The following MAP4K4 variants were observed in gnomAD, a reference collection of about 807,000 sequenced individuals.
The protein encoded by MAP4K4 is HPK/GCK-like kinase HGK.
A neutral mutation model predicts 189.6 loss-of-function variants in MAP4K4; 38 were observed. That is an observed-to-expected ratio of 0.20 (90% CI 0.15 to 0.26). The LOEUF is 0.26. Ranked by LOEUF, MAP4K4 falls within the 10% of genes least tolerant of loss-of-function variation. The pLI is 1.00. For missense variants in MAP4K4, 1,054 were observed against 1,726.9 expected (o/e 0.61, Z 6.91); for synonymous variants, 610 against 624.3 (o/e 0.98, Z 0.34).
intron 2 of MAP4K4, among the ~76,000 whole-genome samples, chr2:101,700,543 T>C (rs2037832984): frequency 6.6e-6 from 1 of 152,210 alleles, no homozygotes; most frequent in African/African-American, 2.4e-5. Context: ...TATATTATTA[T>C]GGAAAATTTC....
chr2:101,778,407 A>G (rs1049536532), intron 2 of MAP4K4, among the ~76,000 whole-genome samples: 14 of 151,786 alleles, frequency 9.2e-5, no homozygotes, highest in African/African-American at 3.1e-4. Flanking sequence ...TTTCCTTTAC[A>G]CTGATAGCCC....
chr2:101,752,507 T>C (rs920485053), intron 2 of MAP4K4, among the ~76,000 whole-genome samples: 1 of 152,174 alleles, frequency 6.6e-6, no homozygotes, highest in African/African-American at 2.4e-5. Context: ...GCCTAGCCTA[T>C]TTTCTGCCAA....
intron 31 of MAP4K4, 81 bp downstream of exon 31, chr2:101,888,018 G>T (rs2098511777): frequency 1.3e-5 from 18 of 1,337,892 alleles, no homozygotes; most frequent in Non-Finnish European, 1.8e-5. Context: ...TGCTGATTTT[G>T]TATGTCCTTC....
chr2:101,887,295 C>T (rs1365282287), intron 30 of MAP4K4, 58 bp downstream of exon 30: 1 of 1,539,398 alleles, frequency 6.5e-7, no homozygotes, highest in Non-Finnish European at 8.8e-7. Context: ...TTTTGACTTT[C>T]TTCTTTACTC....
At chr2:101,698,069 C>CA in exon 1 of MAP4K4, 2 of 1,319,658 alleles carry the variant, frequency 1.5e-6, no homozygotes, top group African/African-American at 1.6e-5. Flanking sequence ...TTTTTGGTGG[C>CA]AAAAAGGGAA....
At position 101,877,901 on chromosome 2, in the gene MAP4K4, C is replaced by T. The variant is rs375199219; in HGVS notation, c.3385+755C>T. 3.6e-3 allele frequency among the ~76,000 whole-genome samples: 542 copies of T among 152,264 alleles called. 2 individuals carry two copies. The highest frequency in any genetic ancestry group is 0.012 in the African/African-American group (519 of 41,550). On this transcript the variant is annotated intron_variant, in intron 27 of 32. Coordinates refer to ENST00000324219, the Ensembl canonical transcript of MAP4K4. ...AGTAGCTGGGACTACAGGCACTTCC[C>T]ACCATGCCCGGCTGATTTTTTGTAT...
chr2:101,858,975 T>C, intron 13 of MAP4K4, 21 bp from the exon 14 acceptor site: 1 of 1,584,436 alleles, frequency 6.3e-7, no homozygotes, highest in Non-Finnish European at 8.7e-7. Flanking sequence ...ATTTGATTGC[T>C]GGGTGATTTC....
At chr2:101,892,747 A>T in exon 33 of MAP4K4, 1 of 372,910 alleles carries the variant, frequency 2.7e-6, no homozygotes, top group South Asian at 2.0e-5. Context: ...GTTTTTTTAA[A>T]CCAATTTTAC....
chr2:101,856,215 TATACACACATGTGATGC>T (rs1371776247), intron 13 of MAP4K4, 77 bp downstream of exon 13: 10 of 1,416,626 alleles, frequency 7.1e-6, no homozygotes, highest in Middle Eastern at 2.5e-4. Flanking sequence ...TTTTAGAAAG[TATACACACATGTGATGC>T]ATACACACAT....
intron 17 of MAP4K4, among the ~76,000 whole-genome samples, chr2:101,864,295 C>T (rs1367783518): frequency 6.6e-6 from 1 of 152,060 alleles, no homozygotes; most frequent in Non-Finnish European, 1.5e-5. Flanking sequence ...AAGAGTAAGT[C>T]TACAAAGAAT....
intron 29 of MAP4K4, among the ~76,000 whole-genome samples, chr2:101,886,134 A>C (rs1386173119): frequency 6.6e-6 from 1 of 152,232 alleles, no homozygotes; most frequent in African/African-American, 2.4e-5. Flanking sequence ...TCCAAGTGTT[A>C]CTGAATAAAG....
At chr2:101,811,457 G>C (rs1200634604) in intron 3 of MAP4K4, among the ~76,000 whole-genome samples, 1 of 149,510 alleles carries the variant, frequency 6.7e-6, no homozygotes, top group East Asian at 2.0e-4. Flanking sequence ...GTCATTCCTT[G>C]TCTGGTTTCT....
chr2:101,770,425 T>A (rs1364672223), intron 2 of MAP4K4, among the ~76,000 whole-genome samples: 1 of 151,946 alleles, frequency 6.6e-6, no homozygotes. Flanking sequence ...ATTTTTTGTA[T>A]GTTAGTAGAC....
At chr2:101,758,734 A>C (rs892064626) in intron 2 of MAP4K4, among the ~76,000 whole-genome samples, 1 of 152,192 alleles carries the variant, frequency 6.6e-6, no homozygotes, top group African/African-American at 2.4e-5. Flanking sequence ...AAATTTGGCA[A>C]AGGTCAGGAA....
intron 27 of MAP4K4, among the ~76,000 whole-genome samples, chr2:101,881,830 C>T (rs768919287): frequency 6.6e-6 from 1 of 152,094 alleles, no homozygotes; most frequent in Non-Finnish European, 1.5e-5. Flanking sequence ...GCTGACGTTG[C>T]CCCCCATCAT....
At position 101,874,226 on chromosome 2, in the gene MAP4K4, CTG is replaced by C; in HGVS notation, c.3216_3217del (p.Glu1073AspfsTer46). The C allele has an allele frequency of 6.2e-7, 1 of 1,611,292 alleles. No individual in the cohort carries two copies. Reference sequence around the variant, plus strand: ...CGTAAATACAAGAAGAGGTTTAACTCTGAGATTCTGTGTGCTGCCTTATGGGG... The same window carrying C: ...CGTAAATACAAGAAGAGGTTTAACTCAGATTCTGTGTGCTGCCTTATGGGG... On this transcript the variant is annotated frameshift_variant, in exon 26 of 33. Coordinates refer to ENST00000324219, the Ensembl canonical transcript of MAP4K4. LOFTEE classifies it high-confidence loss of function.
At chr2:101,763,033 G>T (rs1191155054) in intron 2 of MAP4K4, among the ~76,000 whole-genome samples, 2 of 152,292 alleles carry the variant, frequency 1.3e-5, no homozygotes, top group South Asian at 4.1e-4. Flanking sequence ...TAGCTGCAAA[G>T]GGCCCCAGCT....
exon 33 of MAP4K4, chr2:101,891,354 C>T (rs2098565012): frequency 6.6e-6 from 6 of 911,432 alleles, no homozygotes; most frequent in Admixed American, 5.9e-5. Flanking sequence ...GCAACCAGGA[C>T]AGCTGTGTGT....
intron 2 of MAP4K4, among the ~76,000 whole-genome samples, chr2:101,699,236 A>G (rs918080487): frequency 6.6e-6 from 1 of 152,228 alleles, no homozygotes; most frequent in Non-Finnish European, 1.5e-5. Flanking sequence ...ACACCCACCC[A>G]GGTCTTTCTC....
Sources: gnomAD v4.1 joint callset for allele counts (sites outside exome capture counted in the v4.1 genomes callset) on GRCh38, gnomAD v4.1.1 for gene constraint, MANE v1.5 for transcripts, NCBI Gene and HGNC (gene_info 2026-07-23, HGNC 2026-07-21) for gene names.